DSCAM: variants seen among roughly 807,000 people sequenced by gnomAD.
The protein encoded by DSCAM is cell adhesion molecule DSCAM.
Under a neutral mutation model 217.7 loss-of-function variants are expected in DSCAM, and 47 were observed. That is an observed-to-expected ratio of 0.22 (90% CI 0.17 to 0.28). The LOEUF is 0.28. DSCAM is among the 10% of genes least tolerant of loss of function. The probability of loss-of-function intolerance (pLI) is 1.00; values close to 1 mark genes in which losing one functional copy is unlikely to be tolerated. For missense variants in DSCAM, 2,080 were observed against 2,618.3 expected (o/e 0.79, Z 4.49); for synonymous variants, 1,056 against 1,015.3 (o/e 1.04, Z -0.76).
chr21:40,300,333 ATTTCTT>A (rs2074001060), intron 9 of DSCAM, among the ~76,000 whole-genome samples: 1 of 152,076 alleles, frequency 6.6e-6, no homozygotes, highest in African/African-American at 2.4e-5. Context: ...CTCTTCTTTC[ATTTCTT>A]TTTATCAGGT....
At chr21:40,834,426 AAATAATAAT>A (rs57612141) in intron 1 of DSCAM, among the ~76,000 whole-genome samples, 10,304 of 141,430 alleles carry the variant, frequency 0.073, 411 homozygotes, top group South Asian at 0.13. Flanking sequence ...AATAATAATA[AAATAATAAT>A]AATAATAATA....
chr21:40,674,620 C>CTTTTTTTTTT (rs1198744785), intron 3 of DSCAM, among the ~76,000 whole-genome samples: 1 of 100,574 alleles, frequency 9.9e-6, no homozygotes, highest in Non-Finnish European at 2.0e-5. Context: ...TTTTCTTTTT[C>CTTTTTTTTTT]TTTTTCTTTT....
At chr21:40,836,982 A>G (rs1053914337) in intron 1 of DSCAM, among the ~76,000 whole-genome samples, 1 of 152,218 alleles carries the variant, frequency 6.6e-6, no homozygotes, top group African/African-American at 2.4e-5. Flanking sequence ...GGAAACTTCC[A>G]TATCTCCTTT....
At chr21:40,199,774 G>A (rs1039923901) in intron 11 of DSCAM, among the ~76,000 whole-genome samples, 7 of 152,094 alleles carry the variant, frequency 4.6e-5, no homozygotes, top group African/African-American at 1.2e-4. Flanking sequence ...GGGGCCTGTC[G>A]GTGGGTGGGG....
At chr21:40,768,458 G>A (rs918252763) in intron 1 of DSCAM, among the ~76,000 whole-genome samples, 2 of 152,150 alleles carry the variant, frequency 1.3e-5, no homozygotes, top group African/African-American at 4.8e-5. Context: ...AACAATTACA[G>A]CTTGTCTTTC....
At chr21:40,615,818 G>A (rs866306645) in intron 3 of DSCAM, among the ~76,000 whole-genome samples, 11 of 151,940 alleles carry the variant, frequency 7.2e-5, no homozygotes, top group African/African-American at 2.7e-4. Flanking sequence ...TGTGTCCTGG[G>A]TCTTCGGCTC....
chr21:40,513,828 G>C (rs770202181), intron 3 of DSCAM, among the ~76,000 whole-genome samples: 2 of 151,910 alleles, frequency 1.3e-5, no homozygotes, highest in Admixed American at 6.6e-5. Context: ...ATATTAGAGA[G>C]AGAATTTAAA....
At chr21:40,774,558 T>G (rs2091472383) in intron 1 of DSCAM, among the ~76,000 whole-genome samples, 1 of 152,256 alleles carries the variant, frequency 6.6e-6, no homozygotes, top group Non-Finnish European at 1.5e-5. Flanking sequence ...CATGAGTCAG[T>G]CTTATTCCAG....
chr21:40,311,403 T>C (rs570938696), intron 9 of DSCAM, among the ~76,000 whole-genome samples: 1 of 152,314 alleles, frequency 6.6e-6, no homozygotes, highest in African/African-American at 2.4e-5. Flanking sequence ...AATGGGAATT[T>C]GGTGACTTGA....
chr21:40,717,023 T>C (rs1045934476), intron 1 of DSCAM, among the ~76,000 whole-genome samples: 5 of 152,116 alleles, frequency 3.3e-5, no homozygotes, highest in African/African-American at 1.2e-4. Flanking sequence ...TAGGCAGAAG[T>C]CTTAAAAAAT....
chr21:40,601,055 G>A (rs1568931098), intron 3 of DSCAM, among the ~76,000 whole-genome samples: 1 of 152,142 alleles, frequency 6.6e-6, no homozygotes, highest in Non-Finnish European at 1.5e-5. Context: ...TTTTCAATGT[G>A]TAAAAATTGG....
intron 3 of DSCAM, among the ~76,000 whole-genome samples, chr21:40,501,575 G>A (rs1455551951): frequency 6.6e-6 from 1 of 152,060 alleles, no homozygotes; most frequent in Non-Finnish European, 1.5e-5. Context: ...ATTTTTAAAG[G>A]CATTAAGCTT....
intron 3 of DSCAM, among the ~76,000 whole-genome samples, chr21:40,670,667 CTTTCT>C (rs775446291): frequency 7.2e-5 from 11 of 152,166 alleles, no homozygotes; most frequent in Admixed American, 5.2e-4. Flanking sequence ...TCAGAGTTCT[CTTTCT>C]TTTCAAGACT....
intron 14 of DSCAM, among the ~76,000 whole-genome samples, chr21:40,182,154 A>G (rs2090811257): frequency 6.6e-6 from 1 of 152,184 alleles, no homozygotes; most frequent in Non-Finnish European, 1.5e-5. Flanking sequence ...AGAATGAGTG[A>G]AGGTGACTGA....
At chr21:40,795,694 G>A (rs572674202) in intron 1 of DSCAM, among the ~76,000 whole-genome samples, 53 of 152,334 alleles carry the variant, frequency 3.5e-4, no homozygotes, top group South Asian at 2.5e-3. Context: ...ATAATCAGGG[G>A]AAATCTAGTG....
chr21:40,076,315 T>A (rs1407315315), intron 26 of DSCAM, among the ~76,000 whole-genome samples: 2 of 151,896 alleles, frequency 1.3e-5, no homozygotes, highest in African/African-American at 4.8e-5. Context: ...AAGACAACAC[T>A]AGGTCAAGCA....
At chr21:40,508,765 ATATATATATATATATATATTT>A (rs1488385816) in intron 3 of DSCAM, among the ~76,000 whole-genome samples, 1 of 3,504 alleles carries the variant, frequency 2.9e-4, no homozygotes, top group African/African-American at 2.0e-3. Flanking sequence ...ATATATATAT[ATATATATATATATATATATTT>A]TTTTTTTTTT....
intron 9 of DSCAM, 118 bp from the exon 10 acceptor site, chr21:40,296,292 C>T (rs530015025): frequency 2.5e-6 from 3 of 1,205,498 alleles, no homozygotes; most frequent in African/African-American, 3.1e-5. Flanking sequence ...GTTTCATACA[C>T]ATGGGACAAT....
chr21:40,671,509 G>C (rs9975966), intron 3 of DSCAM, among the ~76,000 whole-genome samples: 123,872 of 150,032 alleles, frequency 0.83, 51,998 homozygotes, highest in East Asian at 1. Context: ...CTCCCCCCCC[G>C]CACCGTCTCT....
Sources: gnomAD v4.1 joint callset for allele counts (sites outside exome capture counted in the v4.1 genomes callset) on GRCh38, gnomAD v4.1.1 for gene constraint, MANE v1.5 for transcripts, NCBI Gene and HGNC (gene_info 2026-07-23, HGNC 2026-07-21) for gene names.